The following ACLY variants were observed in gnomAD, a reference collection of about 807,000 sequenced individuals.
ACLY encodes ATP citrate lyase.
Under a neutral mutation model 133.0 loss-of-function variants are expected in ACLY, and 41 were observed. The observed-to-expected ratio is 0.31, with a 90% CI of 0.24 to 0.40. The LOEUF (loss-of-function observed/expected upper bound fraction) is 0.40, where lower values mean the gene tolerates loss of function less well. Among genes scored for constraint, ACLY ranks in the 10% least tolerant of loss-of-function variants. The pLI, the probability that ACLY is intolerant of heterozygous loss-of-function variation, is 1.00. For synonymous variants in ACLY, 495 were observed against 549.3 expected (o/e 0.90, Z 1.38); for missense variants, 1,046 against 1,453.8 (o/e 0.72, Z 4.56).
Position 41,878,847 on chromosome 17 carries a change from T to C in ACLY, c.2343A>G (p.Glu781=), listed in dbSNP as rs781896788. ...AGCTCCGGGGCACAAACACTCCTGC[T>C]TCCTTCAAAGCCTGGTTCTTGGCTA... is the stretch of plus-strand genomic sequence containing the variant. ...TAVAKNQALK[E]AGVFVPRSFD... is the part of the protein sequence containing the mutation. The change falls in exon 21 of 29, where the codon GAA becomes GAG. Residue 781 remains glutamate, a synonymous_variant. Transcript: ENST00000352035. The C allele has an allele frequency of 6.2e-6, 10 of 1,613,972 alleles. No homozygotes were observed. In the Admixed American group the frequency reaches 1.3e-4, roughly 22 times the overall value.
intron 23 of ACLY, among the ~76,000 whole-genome samples, chr17:41,873,460 C>T (rs1416059899): frequency 2.0e-5 from 3 of 152,166 alleles, no homozygotes; most frequent in Non-Finnish European, 4.4e-5. Context: ...GGATGACAGG[C>T]GTGAGCCACC....
chr17:41,869,099 A>G lies in ACLY; in HGVS notation c.3078T>C (p.Asp1026=), dbSNP rs1018395151. The change falls in exon 27 of 29, where the codon GAT becomes GAC. Residue 1026 remains aspartate, a synonymous_variant. Transcript: ENST00000352035. ...CTACAAATGCGACTCCGATGAGACC[A>G]TCTACATTCAGGATAAGATTTGGCT... ...SKKPNLILNV[D]GLIGVAFVDM... 5 of 1,613,932 alleles carry G rather than the reference A, an allele frequency of 3.1e-6. No homozygotes were observed. The highest frequency in any genetic ancestry group is 1.3e-5 in the African/African-American group (1 of 75,054).
intron 28 of ACLY, 84 bp downstream of exon 28, chr17:41,868,625 A>T: frequency 5.9e-6 from 5 of 853,648 alleles, no homozygotes; most frequent in African/African-American, 1.7e-5. Context: ...AGAAAGAAAA[A>T]GAAACTCAAC....
chr17:41,928,089 A>C (rs546062989), intron 1 of ACLY, among the ~76,000 whole-genome samples: 2 of 152,318 alleles, frequency 1.3e-5, no homozygotes, highest in Admixed American at 1.3e-4. Context: ...CAGTGAGTCA[A>C]GATCTCACTA....
chr17:41,869,013 A>G (rs1555624543), intron 27 of ACLY, 30 bp downstream of exon 27: 1 of 1,565,276 alleles, frequency 6.4e-7, no homozygotes, highest in South Asian at 1.2e-5. Flanking sequence ...CAACAAACGT[A>G]ATGAAGAAGA....
rs573200155 is a variant in ACLY at position 41,899,303 on chromosome 17, CAT to C, written c.1184-520_1184-519del. 4.1e-3 allele frequency among the ~76,000 whole-genome samples: 628 copies of C among 151,642 alleles called. 3 individuals are homozygous for C. The highest frequency in any genetic ancestry group is 0.015 in the African/African-American group (602 of 41,358). On this transcript the variant is annotated intron_variant, in intron 11 of 28. Transcript: ENST00000352035. ...CAAAAAAAAAAAACCACATAAGAAA[CAT>C]ATTTACTGGCAAGATTCAAGTAACC...
chr17:41,921,033 G>A (rs1268801613), upstream of ACLY, among the ~76,000 whole-genome samples: 2 of 151,698 alleles, frequency 1.3e-5, no homozygotes, highest in Admixed American at 6.6e-5. Flanking sequence ...GGCGGAGGCA[G>A]GAGAATCGCT....
rs899554658 is a variant in ACLY, at chr17:41,871,699, C to A, written c.2927G>T (p.Arg976Leu). Residue 976 changes from arginine (R) to leucine (L), a missense_variant, in exon 25 of 29, where the codon CGA (arginine) becomes CTA (leucine). This residue lies in a region of ACLY where 205 missense variants were observed against 373.3 expected (regional missense o/e 0.55). Transcript: ENST00000352035. ...AGAGTAACAACTCACCGACTTCACT[C>A]GGTGACCAATGCCCATGATCAGCTT... ...EGKLIMGIGH[R>L]VKSINNPDMR... is the part of the protein sequence containing the mutation. 3 of 1,613,908 alleles carry A rather than the reference C, an allele frequency of 1.9e-6. No homozygotes were observed. Among genetic ancestry groups the A allele is most frequent in the African/African-American group, 2.7e-5 (2 of 74,914 alleles).
chr17:41,895,543 C>T (rs868961387), intron 14 of ACLY, among the ~76,000 whole-genome samples: 19 of 152,220 alleles, frequency 1.2e-4, no homozygotes, highest in African/African-American at 4.6e-4. Context: ...AGGGCTCGCT[C>T]AGCCATAATC....
chr17:41,884,817 T>C (rs1176539163), intron 18 of ACLY, among the ~76,000 whole-genome samples: 6 of 152,114 alleles, frequency 3.9e-5, no homozygotes, highest in Non-Finnish European at 5.9e-5. Context: ...AATTTTTTGA[T>C]CGTCTCAAAA....
In ACLY at chr17:41,871,851, C is replaced by A; in HGVS notation, c.2794-19G>T. The A allele has an allele frequency of 1.2e-6, 2 of 1,613,118 alleles. No individual in the cohort carries two copies. Among genetic ancestry groups the A allele is most frequent in the South Asian group, 2.2e-5 (2 of 91,048 alleles). The stretch of plus-strand genomic sequence containing the variant: ...GATCCCCCTGGAGGAGAAACAAGTG[C>A]GTGTTGCCTTGAGCTTTAAGAGTTT... On this transcript the variant is annotated intron_variant, in intron 24 of 28. Transcript: ENST00000352035.
chr17:41,922,784 T>A (rs1428698482), upstream of ACLY, among the ~76,000 whole-genome samples: 1 of 152,238 alleles, frequency 6.6e-6, no homozygotes, highest in Non-Finnish European at 1.5e-5. Context: ...TAAGTTTGAC[T>A]ATTCCTGGGC....
At chr17:41,880,536 C>T (rs535385550) in intron 20 of ACLY, among the ~76,000 whole-genome samples, 5 of 152,064 alleles carry the variant, frequency 3.3e-5, no homozygotes, top group Admixed American at 6.5e-5. Flanking sequence ...AAACTAAAAA[C>T]AAAATTTCTA....
Position 41,872,079 on chromosome 17 carries a change from C to T in ACLY, c.2746G>A (p.Ala916Thr). Reference sequence around the variant, plus strand: ...AGGCTGGAGACCAGGTCTTTCCCAGCTCGCGCACAAATGATGGTGTTGTGG... The same window carrying T: ...AGGCTGGAGACCAGGTCTTTCCCAGTTCGCGCACAAATGATGGTGTTGTGG... ...GAHNTIICAR[A>T]GKDLVSSLTS... The change falls in exon 24 of 29, where the codon GCT becomes ACT. Residue 916 changes from alanine (A) to threonine (T), a missense_variant. By Grantham distance (58) the Ala-to-Thr change is moderately conservative. Around this residue, in one of 4 missense-constraint regions of ACLY, gnomAD observed 205 missense variants for 373.3 expected, o/e 0.55. Coordinates refer to ENST00000352035, the MANE Select transcript of ACLY (RefSeq NM_001096.3). 1 of 1,614,114 alleles carries T rather than the reference C, an allele frequency of 6.2e-7. No homozygotes were observed.
chr17:41,910,403 G>C, intron 3 of ACLY, 119 bp from the exon 4 acceptor site: 1 of 830,312 alleles, frequency 1.2e-6, no homozygotes, highest in South Asian at 1.6e-5. Context: ...CCAGCAAAGA[G>C]AGATTTTTCC....
chr17:41,876,279 G>A (rs1380906122), intron 22 of ACLY, among the ~76,000 whole-genome samples: 4 of 150,560 alleles, frequency 2.7e-5, no homozygotes, highest in Admixed American at 6.6e-5. Flanking sequence ...CGCCCCGTCC[G>A]GGAGGGAGGT....
At chr17:41,906,427 A>G (rs1395755526) in intron 8 of ACLY, 101 bp downstream of exon 8, 16 of 1,041,220 alleles carry the variant, frequency 1.5e-5, no homozygotes, top group Non-Finnish European at 2.2e-5. Context: ...TCTGCCCCAA[A>G]TTCCCACACC....
intron 14 of ACLY, among the ~76,000 whole-genome samples, chr17:41,896,040 G>A (rs570759543): frequency 1.4e-4 from 22 of 152,022 alleles, no homozygotes; most frequent in Non-Finnish European, 2.4e-4. Context: ...ACCCTTCTGC[G>A]CTTCCGTCTA....
upstream of ACLY, among the ~76,000 whole-genome samples, chr17:41,919,182 G>A (rs1337845957): frequency 1.3e-5 from 2 of 152,204 alleles, no homozygotes; most frequent in African/African-American, 4.8e-5. Context: ...TTGGGAGCCT[G>A]CGGGGCCGGG....
Sources: allele counts gnomAD v4.1 joint callset (sites outside exome capture counted in the v4.1 genomes callset), GRCh38; gene constraint gnomAD v4.1.1; regional missense constraint gnomAD v4.1.1; transcripts MANE v1.5; gene names NCBI Gene and HGNC (gene_info 2026-07-23, HGNC 2026-07-21).